The following AMPH variants were observed in gnomAD, a reference collection of about 807,000 sequenced individuals.
AMPH encodes amphiphysin, also known as amphiphysin (Stiff-Mann syndrome with breast cancer 128kD autoantigen).
In AMPH, 49 loss-of-function variants were observed where a neutral mutation model predicts 99.1. The observed-to-expected ratio is 0.49, with a 90% CI of 0.39 to 0.63. AMPH has a LOEUF of 0.63. AMPH is among the 20% of genes least tolerant of loss of function. The pLI, the probability that AMPH is intolerant of heterozygous loss-of-function variation, is 0.00. For synonymous variants in AMPH, 314 were observed against 317.3 expected, an observed-to-expected ratio of 0.99 and a Z score of 0.11; for missense variants, 759 against 863.4, an observed-to-expected ratio of 0.88 and a Z score of 1.52.
intron 20 of AMPH, among the ~76,000 whole-genome samples, chr7:38,386,644 A>G (rs1398054407): frequency 2.0e-5 from 3 of 152,252 alleles, no homozygotes; most frequent in African/African-American, 7.2e-5. Context: ...TGGAATAACT[A>G]TATATCTCCA....
At chr7:38,390,923 C>A (rs1408699303) in intron 19 of AMPH, among the ~76,000 whole-genome samples, 1 of 139,814 alleles carries the variant, frequency 7.2e-6, no homozygotes, top group African/African-American at 2.7e-5. Flanking sequence ...CAAGAGGTAG[C>A]AAGGTAGCAG....
intron 2 of AMPH, 70 bp from the exon 3 acceptor site, chr7:38,503,774 A>T (rs1584178383): frequency 1.4e-6 from 2 of 1,473,260 alleles, no homozygotes; most frequent in East Asian, 4.5e-5. Context: ...AGAAGTGCTA[A>T]GTCTCAAAGT....
At chr7:38,386,745 A>G (rs886579216) in intron 20 of AMPH, among the ~76,000 whole-genome samples, 1 of 152,194 alleles carries the variant, frequency 6.6e-6, no homozygotes, top group Non-Finnish European at 1.5e-5. Context: ...ATATAATGGG[A>G]TGGGTATAAA....
intron 17 of AMPH, among the ~76,000 whole-genome samples, chr7:38,415,231 T>C (rs1334031101): frequency 6.6e-6 from 1 of 152,184 alleles, no homozygotes; most frequent in Non-Finnish European, 1.5e-5. Context: ...TATACGTGCC[T>C]CTTTACAAAA....
intron 1 of AMPH, among the ~76,000 whole-genome samples, chr7:38,599,476 C>A (rs1024347044): frequency 6.6e-6 from 1 of 152,200 alleles, no homozygotes; most frequent in African/African-American, 2.4e-5. Flanking sequence ...TGTAAGAATG[C>A]AGCATATAAT....
chr7:38,527,686 GA>G (rs1428650408), intron 2 of AMPH, among the ~76,000 whole-genome samples: 1 of 152,158 alleles, frequency 6.6e-6, no homozygotes, highest in Non-Finnish European at 1.5e-5. Context: ...GTCATCTGCA[GA>G]CAAAATGAGT....
intron 13 of AMPH, 81 bp downstream of exon 13, chr7:38,432,108 G>T (rs551970872): frequency 3.3e-6 from 4 of 1,204,006 alleles, no homozygotes; most frequent in East Asian, 4.6e-5. Flanking sequence ...TCTTTCTGTT[G>T]CAAATGAAAT....
At chr7:38,466,793 G>A (rs976036686) in intron 7 of AMPH, among the ~76,000 whole-genome samples, 11 of 152,120 alleles carry the variant, frequency 7.2e-5, no homozygotes, top group Middle Eastern at 3.4e-3. Flanking sequence ...TACAAAACCC[G>A]TAAATTAATT....
chr7:38,388,536 A>T (rs764663675), intron 20 of AMPH, among the ~76,000 whole-genome samples: 3 of 150,714 alleles, frequency 2.0e-5, no homozygotes, highest in Non-Finnish European at 3.0e-5. Context: ...TCATTATGAA[A>T]TTTTTTTTTA....
chr7:38,440,089 T>C (rs1448980048), intron 11 of AMPH, among the ~76,000 whole-genome samples: 1 of 152,130 alleles, frequency 6.6e-6, no homozygotes, highest in Non-Finnish European at 1.5e-5. Context: ...TAGCTGCTAG[T>C]CCAAAAAGAA....
intron 1 of AMPH, among the ~76,000 whole-genome samples, chr7:38,579,949 A>C (rs944797119): frequency 4.6e-5 from 7 of 152,214 alleles, no homozygotes; most frequent in African/African-American, 1.2e-4. Context: ...TCCCAGACTC[A>C]TGAATAAACA....
intron 15 of AMPH, among the ~76,000 whole-genome samples, chr7:38,426,281 G>T (rs1286953642): frequency 6.6e-6 from 1 of 152,176 alleles, no homozygotes; most frequent in Non-Finnish European, 1.5e-5. Flanking sequence ...AGAGCCATGT[G>T]GCCGGCCTTT....
At chr7:38,455,262 GGTTTCCCCTT>G (rs1391940280) in intron 11 of AMPH, among the ~76,000 whole-genome samples, 12 of 151,872 alleles carry the variant, frequency 7.9e-5, no homozygotes, top group Admixed American at 3.9e-4. Flanking sequence ...GTAGCGACAG[GGTTTCCCCTT>G]GTTGGTCAGA....
At chr7:38,395,029 T>G (rs558955071) in intron 17 of AMPH, among the ~76,000 whole-genome samples, 1 of 152,276 alleles carries the variant, frequency 6.6e-6, no homozygotes, top group Non-Finnish European at 1.5e-5. Flanking sequence ...TCTCCATGAC[T>G]AAGACGTGCC....
chr7:38,505,210 T>C (rs1273814902), intron 2 of AMPH, among the ~76,000 whole-genome samples: 2 of 152,220 alleles, frequency 1.3e-5, no homozygotes, highest in Non-Finnish European at 2.9e-5. Context: ...CAAGAAATAA[T>C]TAAGACTATG....
At chr7:38,604,469 T>A (rs1793360550) in intron 1 of AMPH, among the ~76,000 whole-genome samples, 1 of 152,190 alleles carries the variant, frequency 6.6e-6, no homozygotes, top group Non-Finnish European at 1.5e-5. Flanking sequence ...TATGCAAGAA[T>A]GAGGACGAGC....
intron 1 of AMPH, among the ~76,000 whole-genome samples, chr7:38,555,293 G>A (rs1194676290): frequency 1.3e-5 from 2 of 151,996 alleles, no homozygotes; most frequent in East Asian, 3.9e-4. Flanking sequence ...GCTTACACCT[G>A]TAGTCCCAGC....
chr7:38,525,572 T>C (rs1215631589), intron 2 of AMPH, among the ~76,000 whole-genome samples: 5 of 151,780 alleles, frequency 3.3e-5, no homozygotes, highest in Non-Finnish European at 1.5e-5. Context: ...CAAGAATCCC[T>C]TGTATTGACT....
intron 2 of AMPH, among the ~76,000 whole-genome samples, chr7:38,504,029 T>C (rs1789241544): frequency 6.6e-6 from 1 of 152,240 alleles, no homozygotes; most frequent in Admixed American, 6.5e-5. Context: ...CACCATTATC[T>C]AACATGGTAG....
Sources: gnomAD v4.1 joint callset for allele counts (sites outside exome capture counted in the v4.1 genomes callset) on GRCh38, gnomAD v4.1.1 for gene constraint, MANE v1.5 for transcripts, NCBI Gene and HGNC (gene_info 2026-07-23, HGNC 2026-07-21) for gene names.